PAFAH1B1: variants seen among roughly 807,000 people sequenced by gnomAD.
PAFAH1B1 encodes the protein platelet activating factor acetylhydrolase 1b regulatory subunit 1, also known as platelet-activating factor acetylhydrolase IB subunit beta.
Under a neutral mutation model 57.5 loss-of-function variants are expected in PAFAH1B1, and 2 were observed. That is an observed-to-expected ratio of 0.03 (90% confidence interval 0.01 to 0.11). The LOEUF (loss-of-function observed/expected upper bound fraction) is 0.11, where lower values mean the gene tolerates loss of function less well. Among genes scored for constraint, PAFAH1B1 ranks in the 10% least tolerant of loss-of-function variants. PAFAH1B1 has a pLI of 1.00. For missense variants in PAFAH1B1, 257 were observed against 512.0 expected (o/e 0.50, Z 4.81); for synonymous variants, 152 against 169.6 (o/e 0.90, Z 0.81).
At chr17:2,633,513 C>CA (rs2068582821) in intron 1 of PAFAH1B1, among the ~76,000 whole-genome samples, 5 of 151,442 alleles carry the variant, frequency 3.3e-5, no homozygotes. Flanking sequence ...CATACCTAGA[C>CA]TATCAGGATT....
chr17:2,669,656 G>A (rs2069154060), intron 5 of PAFAH1B1, among the ~76,000 whole-genome samples: 1 of 152,118 alleles, frequency 6.6e-6, no homozygotes, highest in Non-Finnish European at 1.5e-5. Context: ...CCCTTTAGAT[G>A]TCTGAGTTCT....
chr17:2,667,792 G>A (rs532763307), intron 5 of PAFAH1B1, among the ~76,000 whole-genome samples: 2 of 151,778 alleles, frequency 1.3e-5, no homozygotes, highest in South Asian at 2.1e-4. Flanking sequence ...TATAAATTAC[G>A]TATTTCATTA....
intron 1 of PAFAH1B1, among the ~76,000 whole-genome samples, chr17:2,604,680 G>A (rs148843616): frequency 1.3e-3 from 198 of 152,178 alleles, no homozygotes; most frequent in African/African-American, 4.6e-3. Flanking sequence ...GCCTGGTGGT[G>A]CATGCCTGTA....
chr17:2,627,343 A>G (rs1226479198), intron 1 of PAFAH1B1, among the ~76,000 whole-genome samples: 1 of 152,044 alleles, frequency 6.6e-6, no homozygotes, highest in Non-Finnish European at 1.5e-5. Context: ...TTTATTGAAA[A>G]GGGTGTCCTT....
chr17:2,623,634 T>G (rs1194989926), intron 1 of PAFAH1B1, among the ~76,000 whole-genome samples: 1 of 151,200 alleles, frequency 6.6e-6, no homozygotes, highest in African/African-American at 2.4e-5. Context: ...TTCCCCGTTT[T>G]TTTTTTTTTT....
intron 8 of PAFAH1B1, among the ~76,000 whole-genome samples, chr17:2,675,041 G>A (rs1413797071): frequency 6.6e-6 from 1 of 152,108 alleles, no homozygotes; most frequent in Non-Finnish European, 1.5e-5. Flanking sequence ...TCACTCTGTT[G>A]CCCAGGCTGG....
chr17:2,685,529 T>A lies in PAFAH1B1; in HGVS notation c.*3727T>A, dbSNP rs1282454336. On this transcript the variant is annotated 3_prime_UTR_variant, in exon 11 of 11. Transcript: ENST00000397195. ...ACAGTAAGATTTGTTGCTCTCAGAC[T>A]GTGTAAAACAAAATTTATTCATGTT... The A allele has an allele frequency of 6.6e-6, 1 of 152,590 alleles. No homozygotes were observed. The highest frequency in any genetic ancestry group is 1.5e-5 in the Non-Finnish European group (1 of 68,028). The allele number at this position is 152,590 out of a possible 1,614,324, so 9.5% of individuals were successfully genotyped here.
chr17:2,666,653 T>TA (rs1354991726), intron 4 of PAFAH1B1, among the ~76,000 whole-genome samples: 8 of 152,142 alleles, frequency 5.3e-5, no homozygotes, highest in African/African-American at 1.9e-4. Flanking sequence ...AAGAACTTAC[T>TA]AAGAGTAGCA....
At chr17:2,594,409 T>G (rs1007739726) in intron 1 of PAFAH1B1, among the ~76,000 whole-genome samples, 1 of 152,174 alleles carries the variant, frequency 6.6e-6, no homozygotes, top group African/African-American at 2.4e-5. Flanking sequence ...CTCTCTGATC[T>G]TGGGGAAAAG....
chr17:2,600,067 C>T (rs986981480), intron 1 of PAFAH1B1, among the ~76,000 whole-genome samples: 4 of 149,446 alleles, frequency 2.7e-5, no homozygotes, highest in African/African-American at 9.9e-5. Context: ...GCAACCTCCA[C>T]CTCCTGGGTT....
intron 1 of PAFAH1B1, among the ~76,000 whole-genome samples, chr17:2,634,698 C>G (rs909964946): frequency 6.6e-6 from 1 of 151,934 alleles, no homozygotes; most frequent in African/African-American, 2.4e-5. Flanking sequence ...TAATGGCTCC[C>G]TATTGGCCCT....
chr17:2,643,329 G>T (rs2151638345), intron 2 of PAFAH1B1, among the ~76,000 whole-genome samples: 1 of 152,178 alleles, frequency 6.6e-6, no homozygotes, highest in Non-Finnish European at 1.5e-5. Flanking sequence ...ATATTGCCCA[G>T]GCAGGTCTCG....
At chr17:2,594,384 G>T (rs959627200) in intron 1 of PAFAH1B1, among the ~76,000 whole-genome samples, 5 of 152,206 alleles carry the variant, frequency 3.3e-5, no homozygotes, top group African/African-American at 1.2e-4. Context: ...TTGGAAGGGC[G>T]TGGGGACCAG....
intron 8 of PAFAH1B1, among the ~76,000 whole-genome samples, chr17:2,675,248 C>T (rs2069244594): frequency 6.6e-6 from 1 of 152,136 alleles, no homozygotes; most frequent in Admixed American, 6.6e-5. Flanking sequence ...AGTGATCCGA[C>T]CACCTCAGCT....
intron 1 of PAFAH1B1, among the ~76,000 whole-genome samples, chr17:2,597,279 A>G (rs1342897852): frequency 6.6e-6 from 1 of 151,960 alleles, no homozygotes; most frequent in Non-Finnish European, 1.5e-5. Context: ...GGAATTTTTT[A>G]GTACAATTTT....
chr17:2,672,495 C>G (rs921462124), intron 6 of PAFAH1B1, among the ~76,000 whole-genome samples, 160 bp from the exon 7 acceptor site: 1 of 151,546 alleles, frequency 6.6e-6, no homozygotes, highest in South Asian at 2.1e-4. Context: ...TTAACTTTAT[C>G]GTGTAAATCC....
At chr17:2,665,491 A>G (rs2069094355) in intron 3 of PAFAH1B1, 35 bp downstream of exon 3, 2 of 1,196,544 alleles carry the variant, frequency 1.7e-6, no homozygotes, top group Non-Finnish European at 2.5e-6. Flanking sequence ...AAGTATAGTT[A>G]ATGAGTGGAT....
chr17:2,599,808 C>T (rs2068119622), intron 1 of PAFAH1B1, among the ~76,000 whole-genome samples: 1 of 151,948 alleles, frequency 6.6e-6, no homozygotes, highest in Non-Finnish European at 1.5e-5. Flanking sequence ...CTTATGTTGA[C>T]AAGAATTGAC....
chr17:2,626,541 C>T (rs2068493068), intron 1 of PAFAH1B1, among the ~76,000 whole-genome samples: 1 of 121,790 alleles, frequency 8.2e-6, no homozygotes, highest in Non-Finnish European at 1.7e-5. Context: ...CTTGAACCGG[C>T]ATCACCTTTC....
Sources: allele counts gnomAD v4.1 joint callset (sites outside exome capture counted in the v4.1 genomes callset), GRCh38; gene constraint gnomAD v4.1.1; transcripts MANE v1.5; gene names NCBI Gene and HGNC (gene_info 2026-07-23, HGNC 2026-07-21).